PPM1B: variants seen among roughly 807,000 people sequenced by gnomAD.
The protein encoded by PPM1B is protein phosphatase, Mg2+/Mn2+ dependent 1B.
Under a neutral mutation model 43.0 loss-of-function variants are expected in PPM1B, and 22 were observed. That is an observed-to-expected ratio of 0.51 (90% confidence interval 0.37 to 0.73). The LOEUF (loss-of-function observed/expected upper bound fraction) is 0.73. Among genes scored for constraint, PPM1B ranks in the 30% least tolerant of loss-of-function variants. The pLI, the probability that PPM1B is intolerant of heterozygous loss-of-function variation, is 0.00. For synonymous variants in PPM1B, 217 were observed against 197.9 expected, an observed-to-expected ratio of 1.10 and a Z score of -0.81; for missense variants, 632 against 584.2, an observed-to-expected ratio of 1.08 and a Z score of -0.84.
At chr2:44,176,499 C>G (rs993346221) in intron 1 of PPM1B, among the ~76,000 whole-genome samples, 1 of 152,126 alleles carries the variant, frequency 6.6e-6, no homozygotes, top group East Asian at 1.9e-4. Flanking sequence ...GCTTCTCCTT[C>G]CATAGCTTTG....
chr2:44,179,727 G>T (rs1356614099), intron 1 of PPM1B, among the ~76,000 whole-genome samples: 2 of 152,160 alleles, frequency 1.3e-5, no homozygotes, highest in African/African-American at 2.4e-5. Context: ...ACTTTAACCT[G>T]GCCGGGCATG....
rs368400343 is a variant in PPM1B at position 44,212,361 on chromosome 2, C to T, written c.964+3034C>T. 1.7e-3 allele frequency among the ~76,000 whole-genome samples: 262 copies of T among 152,318 alleles called. 1 individual carries two copies. The highest frequency in any genetic ancestry group is 6.2e-3 in the African/African-American group (256 of 41,558). ...CTAACTCTCATGCATATGCCTTCCT[C>T]ACTCCAAATTGCCCATCCCAGTTCA... On this transcript the variant is annotated intron_variant, in intron 3 of 5. Transcript: ENST00000282412.
intron 3 of PPM1B, among the ~76,000 whole-genome samples, chr2:44,211,245 G>A (rs568505869): frequency 6.6e-5 from 10 of 152,330 alleles, no homozygotes; most frequent in African/African-American, 1.7e-4. Flanking sequence ...GGTCCAGGAT[G>A]CAGTCTAGAG....
At chr2:44,232,467 C>A, downstream of PPM1B, 1 of 1,536,884 alleles carries the variant, frequency 6.5e-7, no homozygotes, top group Non-Finnish European at 8.7e-7. Flanking sequence ...GTGATATGAG[C>A]AGAAAATCAT....
At chr2:44,208,627 T>G (rs533971305) in intron 2 of PPM1B, among the ~76,000 whole-genome samples, 28 of 152,102 alleles carry the variant, frequency 1.8e-4, no homozygotes, top group Non-Finnish European at 3.4e-4. Context: ...GCAGGAGAAT[T>G]GCTTGAACCT....
chr2:44,210,158 A>G (rs1669390593), intron 3 of PPM1B, among the ~76,000 whole-genome samples: 1 of 152,060 alleles, frequency 6.6e-6, no homozygotes, highest in African/African-American at 2.4e-5. Context: ...GATAGAGTTA[A>G]CATTAGTGTT....
intron 5 of PPM1B, among the ~76,000 whole-genome samples, chr2:44,226,189 A>G (rs994738437): frequency 1.3e-5 from 2 of 151,924 alleles, no homozygotes; most frequent in Non-Finnish European, 2.9e-5. Context: ...GTTAGCCAGG[A>G]TGGTGTCCAT....
chr2:44,194,116 A>C (rs1423647091), intron 1 of PPM1B, among the ~76,000 whole-genome samples: 1 of 151,292 alleles, frequency 6.6e-6, no homozygotes, highest in Non-Finnish European at 1.5e-5. Context: ...TTTTTTCCCT[A>C]GTCCTTGCAT....
At chr2:44,222,376 G>T (rs1250071995) in intron 5 of PPM1B, among the ~76,000 whole-genome samples, 1 of 152,194 alleles carries the variant, frequency 6.6e-6, no homozygotes, top group East Asian at 1.9e-4. Flanking sequence ...TAATTGGTAT[G>T]AAAGTCTGTA....
rs552680540 is a variant in PPM1B at position 44,171,717 on chromosome 2, C to T, written c.-15+2443C>T. On this transcript the variant is annotated intron_variant, in intron 1 of 5. Transcript: ENST00000282412. ...CGGTGGCGCGTGCTTGTAATCCCAGCTACTCAGGAGGATGAGGCAGGAGAA... is the reference window on the plus strand; with the variant it reads ...CGGTGGCGCGTGCTTGTAATCCCAGTTACTCAGGAGGATGAGGCAGGAGAA... Among the ~76,000 whole-genome samples, 468 of 151,644 alleles carry T rather than the reference C, an allele frequency of 3.1e-3. 2 individuals carry two copies. The highest frequency in any genetic ancestry group is 5.4e-3 in the Non-Finnish European group (366 of 67,986).
intron 3 of PPM1B, among the ~76,000 whole-genome samples, chr2:44,211,735 A>G (rs1669475298): frequency 1.6e-5 from 2 of 125,418 alleles, no homozygotes; most frequent in Non-Finnish European, 1.7e-5. Context: ...TGATTTTCTG[A>G]TTCTGTCTTT....
chr2:44,239,398 C>G (rs184258428), downstream of PPM1B, among the ~76,000 whole-genome samples: 11 of 152,022 alleles, frequency 7.2e-5, no homozygotes, highest in East Asian at 2.1e-3. Flanking sequence ...GATACCAATC[C>G]TTTGTTATGC....
intron 1 of PPM1B, among the ~76,000 whole-genome samples, chr2:44,196,297 C>T (rs1668659058): frequency 6.6e-6 from 1 of 152,064 alleles, no homozygotes; most frequent in Non-Finnish European, 1.5e-5. Flanking sequence ...TTGAGGAGTA[C>T]TGGTCAGATA....
At chr2:44,205,133 A>G (rs912850096) in intron 2 of PPM1B, among the ~76,000 whole-genome samples, 10 of 152,176 alleles carry the variant, frequency 6.6e-5, no homozygotes, top group African/African-American at 2.4e-4. Context: ...ATACTTATTA[A>G]TCCTCATAGT....
chr2:44,179,495 T>TC (rs1478197819), intron 1 of PPM1B, among the ~76,000 whole-genome samples: 3 of 151,878 alleles, frequency 2.0e-5, no homozygotes, highest in Non-Finnish European at 4.4e-5. Flanking sequence ...TCTCTCTCTC[T>TC]TTTTTTTAAT....
At chr2:44,210,620 C>G (rs1341489958) in intron 3 of PPM1B, among the ~76,000 whole-genome samples, 3 of 152,034 alleles carry the variant, frequency 2.0e-5, no homozygotes, top group East Asian at 1.9e-4. Flanking sequence ...TATGTAATAC[C>G]ACGTTTGGCT....
chr2:44,202,086 T>G, intron 2 of PPM1B, 41 bp downstream of exon 2: 1 of 1,470,974 alleles, frequency 6.8e-7, no homozygotes, highest in Non-Finnish European at 9.0e-7. Flanking sequence ...ATGTTAATTT[T>G]GAAAAGTTAC....
chr2:44,179,970 T>C (rs1667785110), intron 1 of PPM1B, among the ~76,000 whole-genome samples: 1 of 148,422 alleles, frequency 6.7e-6, no homozygotes, highest in Non-Finnish European at 1.5e-5. Flanking sequence ...GATCCTACCA[T>C]TGCACCACAG....
At chr2:44,220,278 A>G (rs1318741331) in intron 5 of PPM1B, among the ~76,000 whole-genome samples, 2 of 151,564 alleles carry the variant, frequency 1.3e-5, no homozygotes, top group Non-Finnish European at 2.9e-5. Flanking sequence ...ATATATATAT[A>G]TATACCTTGC....
Sources: allele counts gnomAD v4.1 joint callset (sites outside exome capture counted in the v4.1 genomes callset), GRCh38; gene constraint gnomAD v4.1.1; transcripts MANE v1.5; gene names NCBI Gene and HGNC (gene_info 2026-07-23, HGNC 2026-07-21).